MFSD2B: variants seen among roughly 807,000 people sequenced by gnomAD.
MFSD2B encodes sphingosine-1-phosphate transporter MFSD2B.
A neutral mutation model predicts 58.4 loss-of-function variants in MFSD2B; 56 were observed. That is an observed-to-expected ratio of 0.96 (90% CI 0.77 to 1.20). The LOEUF is 1.20. Among genes scored for constraint, MFSD2B ranks in the 50% most tolerant of loss-of-function variants. The pLI is 0.00. For missense variants in MFSD2B, 645 were observed against 667.6 expected, an observed-to-expected ratio of 0.97 and a Z score of 0.37; for synonymous variants, 287 against 294.4, an observed-to-expected ratio of 0.97 and a Z score of 0.26.
chr2:24,020,141 A>T lies in MFSD2B; in HGVS notation c.682-1507A>T, dbSNP rs1662714427. Among the ~76,000 whole-genome samples the T allele has an allele frequency of 6.6e-6, 1 of 152,132 alleles. No homozygotes were observed. Among genetic ancestry groups the T allele is most frequent in the South Asian group, 2.1e-4 (1 of 4,828 alleles). ...TCACTTGGGGCCCTGAGCTGGGGACATGTGTGGTCCTTGATGTGACACAAG... is the reference window on the plus strand; with the variant it reads ...TCACTTGGGGCCCTGAGCTGGGGACTTGTGTGGTCCTTGATGTGACACAAG... On this transcript the variant is annotated intron_variant, in intron 6 of 13. Coordinates refer to ENST00000338315, the MANE Select transcript of MFSD2B (RefSeq NM_001346880.2). This position sits in a 1 kb window ranked among gnomAD's most constrained non-coding sequence, Gnocchi z 4.1.
rs374537216 is a variant in MFSD2B, at chr2:24,017,004, G to A, written c.471+36G>A. The A allele has an allele frequency of 1.2e-4, 194 of 1,611,180 alleles. 1 individual carries two copies. In the African/African-American group the frequency reaches 1.8e-3, roughly 15 times the overall value. Reference sequence around the variant, plus strand: ...CCCCTTCCTGGGCCTGTGCTCTGGCGAAGCCCATTGCTGGCCATGGCCACT... The same window carrying A: ...CCCCTTCCTGGGCCTGTGCTCTGGCAAAGCCCATTGCTGGCCATGGCCACT... On this transcript the variant is annotated intron_variant, in intron 4 of 13. Coordinates refer to ENST00000338315, the MANE Select transcript of MFSD2B (RefSeq NM_001346880.2). This position sits in a 1 kb window ranked among gnomAD's most constrained non-coding sequence, Gnocchi z 4.8.
In MFSD2B at chr2:24,024,094, G is replaced by A. The variant is rs781309088; in HGVS notation, c.1314-1G>A. On this transcript the variant is annotated splice_acceptor_variant, in intron 12 of 13. Transcript: ENST00000338315. LOFTEE classifies it high-confidence loss of function. The surrounding 1 kb of genome is among the most constrained non-coding windows in gnomAD (Gnocchi z 4.3). Reference sequence around the variant, plus strand: ...CTAATGGCTGGCTGATGTTTCTCCAGGTTCTCGGGGTATAAGGCAGGGGTC... The same window carrying A: ...CTAATGGCTGGCTGATGTTTCTCCAAGTTCTCGGGGTATAAGGCAGGGGTC... 1.9e-6 allele frequency: 3 copies of A among 1,613,472 alleles called. No homozygotes were observed. In the East Asian group the frequency reaches 6.7e-5, roughly 36 times the overall value.
chr2:24,016,766 T>C (rs1709159384), intron 3 of MFSD2B, 79 bp from the exon 4 acceptor site: 1 of 1,550,236 alleles, frequency 6.5e-7, no homozygotes, highest in African/African-American at 1.4e-5. Flanking sequence ...AGAGAAGGGG[T>C]GGGGTTCCTC....
At chr2:24,015,989 C>G (rs187726550) in intron 2 of MFSD2B, among the ~76,000 whole-genome samples, 167 bp from the exon 3 acceptor site, 8 of 152,314 alleles carry the variant, frequency 5.3e-5, no homozygotes, top group Admixed American at 2.0e-4. Context: ...CTCCCCTGGA[C>G]TCAGCCCCGG....
chr2:24,010,264 T>A, intron 1 of MFSD2B, 72 bp downstream of exon 1: 1 of 1,169,770 alleles, frequency 8.5e-7, no homozygotes, highest in Non-Finnish European at 1.1e-6. Flanking sequence ...TCGCAGCCCC[T>A]TTTCCAGCTG....
Position 24,022,918 on chromosome 2 carries a change from A to T in MFSD2B, c.1059+16A>T, listed in dbSNP as rs1446072495. Reference sequence around the variant, plus strand: ...TGGGATCTTTGTGAGTGAGGCGGGAATCAAGGATTGGGGGTGGCCGGAGGG... The same window carrying T: ...TGGGATCTTTGTGAGTGAGGCGGGATTCAAGGATTGGGGGTGGCCGGAGGG... On this transcript the variant is annotated intron_variant, in intron 10 of 13. Coordinates refer to ENST00000338315, the MANE Select transcript of MFSD2B (RefSeq NM_001346880.2). The surrounding 1 kb of genome is among the most constrained non-coding windows in gnomAD (Gnocchi z 4.5). 17 of 1,603,108 alleles carry T rather than the reference A, an allele frequency of 1.1e-5. No individual in the cohort carries two copies. Among genetic ancestry groups the T allele is most frequent in the Non-Finnish European group, 1.4e-5 (17 of 1,174,974 alleles).
Position 24,022,138 on chromosome 2 carries a change from G to C in MFSD2B, c.894+168G>C, listed in dbSNP as rs1662814110. ...GATCCCGGTAGGGCTTGTGGGAATG[G>C]AGGGCCAGGGCCTGGGCACTAGGAG... On this transcript the variant is annotated intron_variant, in intron 8 of 13. Transcript: ENST00000338315. The surrounding 1 kb of genome is among the most constrained non-coding windows in gnomAD (Gnocchi z 4.5). Among the ~76,000 whole-genome samples, 1 of 152,212 alleles carries C rather than the reference G, an allele frequency of 6.6e-6. No individual in the cohort carries two copies. Among genetic ancestry groups the C allele is most frequent in the South Asian group, 2.1e-4 (1 of 4,828 alleles).
Position 24,026,656 on chromosome 2 carries a change from C to G in MFSD2B, c.*1200C>G, listed in dbSNP as rs1291907739. 1 of 152,218 alleles carries G rather than the reference C, an allele frequency of 6.6e-6. No individual in the cohort carries two copies. Among genetic ancestry groups the G allele is most frequent in the Non-Finnish European group, 1.5e-5 (1 of 68,044 alleles). 9.4% of individuals were successfully genotyped at this position (152,218 alleles called of 1,614,324 possible). ...TGAACACATCCATGTACCAGGAGGTCTACCCCACTCCACGGGGACAGAAAC... is the reference window on the plus strand; with the variant it reads ...TGAACACATCCATGTACCAGGAGGTGTACCCCACTCCACGGGGACAGAAAC... On this transcript the variant is annotated 3_prime_UTR_variant, in exon 14 of 14. Coordinates refer to ENST00000338315, the MANE Select transcript of MFSD2B (RefSeq NM_001346880.2).
At chr2:24,025,026 T>C (rs1350784425) in intron 13 of MFSD2B, among the ~76,000 whole-genome samples, 1 of 152,216 alleles carries the variant, frequency 6.6e-6, no homozygotes, top group East Asian at 1.9e-4. Context: ...CAGGAATCAC[T>C]GCTGCAGCAT....
rs1404272288 is a variant in MFSD2B at position 24,024,860 on chromosome 2, T to C, written c.1491-572T>C. Among the ~76,000 whole-genome samples the C allele has an allele frequency of 6.6e-6, 1 of 152,132 alleles. No individual in the cohort carries two copies. Among genetic ancestry groups the C allele is most frequent in the East Asian group, 1.9e-4 (1 of 5,186 alleles). On this transcript the variant is annotated intron_variant, in intron 13 of 13. Transcript: ENST00000338315. The surrounding 1 kb of genome is among the most constrained non-coding windows in gnomAD (Gnocchi z 4.3). ...ACTGAGCAGGTCTCTGACCTGGTCCTTCCCCTACCAGAACACCGACCCCAC... is the reference window on the plus strand; with the variant it reads ...ACTGAGCAGGTCTCTGACCTGGTCCCTCCCCTACCAGAACACCGACCCCAC...
chr2:24,025,422 C>T lies in MFSD2B; in HGVS notation c.1491-10C>T. 6.5e-7 allele frequency: 1 copy of T among 1,536,060 alleles called. No homozygotes were observed. The highest frequency in any genetic ancestry group is 8.7e-7 in the Non-Finnish European group (1 of 1,146,840). ...CCATCCTTCTCCTTGGCTTCCTTCC[C>T]TTCCCACAGGAGGACCAGCTACAGC... On this transcript the variant is annotated splice_polypyrimidine_tract_variant and intron_variant, in intron 13 of 13. Transcript: ENST00000338315.
rs1709180288 is a variant in MFSD2B, at chr2:24,017,174, G to A, written c.472-112G>A. On this transcript the variant is annotated intron_variant, in intron 4 of 13. Coordinates refer to ENST00000338315, the MANE Select transcript of MFSD2B (RefSeq NM_001346880.2). The surrounding 1 kb of genome is among the most constrained non-coding windows in gnomAD (Gnocchi z 4.8). ...AGCTCCGACTTCAGGTGGCCAGCTGGGATATGTCACGTTGGCCTGTGGGTG... is the reference window on the plus strand; with the variant it reads ...AGCTCCGACTTCAGGTGGCCAGCTGAGATATGTCACGTTGGCCTGTGGGTG... The A allele has an allele frequency of 3.8e-6, 5 of 1,310,034 alleles. No homozygotes were observed. Among genetic ancestry groups the A allele is most frequent in the Non-Finnish European group, 5.3e-6 (5 of 950,274 alleles). The allele number at this position is 1,310,034 out of a possible 1,614,324, so 81.2% of individuals were successfully genotyped here.
intron 13 of MFSD2B, among the ~76,000 whole-genome samples, chr2:24,025,212 A>G (rs1662940201): frequency 6.6e-6 from 1 of 152,208 alleles, no homozygotes; most frequent in Admixed American, 6.5e-5. Flanking sequence ...TACTGAGGGC[A>G]TGCTTCCCAG....
At position 24,023,491 on chromosome 2, in the gene MFSD2B, G is replaced by T; in HGVS notation, c.1170-92G>T. On this transcript the variant is annotated intron_variant, in intron 11 of 13. Transcript: ENST00000338315. The surrounding 1 kb of genome is among the most constrained non-coding windows in gnomAD (Gnocchi z 5.0). Reference sequence around the variant, plus strand: ...GTCTGGTCCTGGGCACAGAACTCAGGGATGAATCCACTTTGGCCTCCGTCC... The same window carrying T: ...GTCTGGTCCTGGGCACAGAACTCAGTGATGAATCCACTTTGGCCTCCGTCC... The T allele has an allele frequency of 6.9e-7, 1 of 1,441,794 alleles. No individual in the cohort carries two copies. The allele number at this position is 1,441,794 out of a possible 1,614,324, so 89.3% of individuals were successfully genotyped here.
chr2:24,017,195 G>C lies in MFSD2B; in HGVS notation c.472-91G>C. On this transcript the variant is annotated intron_variant, in intron 4 of 13. Transcript: ENST00000338315. The surrounding 1 kb of genome is among the most constrained non-coding windows in gnomAD (Gnocchi z 4.8). Reference sequence around the variant, plus strand: ...GCTGGGATATGTCACGTTGGCCTGTGGGTGTCGGGATGTGACACCCAGGAT... The same window carrying C: ...GCTGGGATATGTCACGTTGGCCTGTCGGTGTCGGGATGTGACACCCAGGAT... 1 of 1,384,754 alleles carries C rather than the reference G, an allele frequency of 7.2e-7. No homozygotes were observed. Among genetic ancestry groups the C allele is most frequent in the Non-Finnish European group, 9.9e-7 (1 of 1,010,122 alleles). The allele number at this position is 1,384,754 out of a possible 1,614,324, so 85.8% of individuals were successfully genotyped here.
chr2:24,019,609 G>C (rs1169158494), intron 6 of MFSD2B, among the ~76,000 whole-genome samples: 1 of 152,196 alleles, frequency 6.6e-6, no homozygotes, highest in Non-Finnish European at 1.5e-5. Context: ...TGTAATCCCA[G>C]CTACTTGGGA....
rs756859998 is a variant in MFSD2B, at chr2:24,023,620, C to A, written c.1207C>A (p.Gln403Lys). Residue 403 changes from glutamine to lysine, a missense_variant, in exon 12 of 14, where the codon CAG (glutamine) becomes AAG (lysine). Physicochemically the swap from Gln to Lys is moderately conservative, Grantham distance 53. Transcript: ENST00000338315. The surrounding 1 kb of genome is among the most constrained non-coding windows in gnomAD (Gnocchi z 5.0). ...AGACGTGGTGGATGACTTTCAGCTG[C>A]AGCACCGTCACGGGCCAGGCCTGGA... is the stretch of plus-strand genomic sequence containing the variant. ...LPDVVDDFQL[Q>K]HRHGPGLETI... The A allele has an allele frequency of 1.9e-6, 3 of 1,613,970 alleles. No homozygotes were observed. The highest frequency in any genetic ancestry group is 4.5e-5 in the East Asian group (2 of 44,886).
At chr2:24,011,986 A>C (rs1353447445) in intron 1 of MFSD2B, among the ~76,000 whole-genome samples, 1 of 152,134 alleles carries the variant, frequency 6.6e-6, no homozygotes, top group Non-Finnish European at 1.5e-5. Context: ...ATTTTGAGGA[A>C]TAGGAAGGAG....
chr2:24,013,001 C>T (rs147813696), intron 1 of MFSD2B: 38 of 289,428 alleles, frequency 1.3e-4, no homozygotes, highest in Non-Finnish European at 2.3e-4. Flanking sequence ...GCAGCTTACA[C>T]GGCCGTGCTG....
Sources: allele counts gnomAD v4.1 joint callset (sites outside exome capture counted in the v4.1 genomes callset), GRCh38; gene constraint gnomAD v4.1.1; non-coding constraint Gnocchi (gnomAD v3.1); transcripts MANE v1.5; gene names NCBI Gene and HGNC (gene_info 2026-07-23, HGNC 2026-07-21).